PASK: variants seen among roughly 807,000 people sequenced by gnomAD.
The protein encoded by PASK is PAS domain-containing serine/threonine-protein kinase.
PASK carries 110 observed loss-of-function variants against 121.0 expected under a neutral mutation model. That is an observed-to-expected ratio of 0.91 (90% CI 0.78 to 1.06). PASK has a LOEUF of 1.06. Ranked by LOEUF, PASK falls within the 50% of genes least tolerant of loss-of-function variation. The probability of loss-of-function intolerance (pLI) is 0.00; values close to 1 mark genes in which losing one functional copy is unlikely to be tolerated. For missense variants in PASK, 1,643 were observed against 1,702.3 expected (o/e 0.97, Z 0.61); for synonymous variants, 686 against 717.8 (o/e 0.96, Z 0.71).
At chr2:241,146,945 C>A (rs958064121) in intron 1 of PASK, among the ~76,000 whole-genome samples, 10 of 152,156 alleles carry the variant, frequency 6.6e-5, no homozygotes, top group Admixed American at 5.2e-4. Context: ...ACACACAAAC[C>A]CAGCCTAGGA....
chr2:241,134,652 C>G (rs1003373887), intron 8 of PASK: 1 of 152,280 alleles, frequency 6.6e-6, no homozygotes, highest in African/African-American at 2.4e-5. Flanking sequence ...CCCGAGTGAC[C>G]GCATGCAGGA....
intron 7 of PASK, 105 bp from the exon 8 acceptor site, chr2:241,136,144 GGT>G (rs2066417501): frequency 1.9e-6 from 2 of 1,044,796 alleles, no homozygotes; most frequent in Non-Finnish European, 3.0e-6. Flanking sequence ...AGTCCCTGAG[GGT>G]TCACCCTTAA....
intron 10 of PASK, among the ~76,000 whole-genome samples, chr2:241,125,690 T>C (rs1014638840): frequency 5.3e-5 from 8 of 150,374 alleles, no homozygotes; most frequent in African/African-American, 1.7e-4. Context: ...AGGGGCCCGA[T>C]CACATGACCC....
In PASK at chr2:241,140,050, C is replaced by A. The variant is rs141463565; in HGVS notation, c.435G>T (p.Leu145=). 1 of 1,613,674 alleles carries A rather than the reference C, an allele frequency of 6.2e-7. No homozygotes were observed. Among genetic ancestry groups the A allele is most frequent in the African/African-American group, 1.3e-5 (1 of 74,942 alleles). The stretch of plus-strand genomic sequence containing the variant: ...GCCCGCAAGCTTTGTCGTTAGCAAC[C>A]AGGATCTGAGGAATCACAAAGAGGA... ...FTVDAKTTEI[L]VANDKACGLL... The change falls in exon 4 of 18, where the codon CTG becomes CTT. Residue 145 remains leucine, a synonymous_variant. Coordinates refer to ENST00000234040, the MANE Select transcript of PASK (RefSeq NM_015148.4).
At chr2:241,150,061 G>A (rs34782167), upstream of PASK, 20,205 of 1,343,898 alleles carry the variant, frequency 0.015, 1,378 homozygotes, top group East Asian at 0.23. Flanking sequence ...AGGGATGCAC[G>A]TAGGACTGGC....
At chr2:241,144,913 T>C (rs960296517) in intron 1 of PASK, among the ~76,000 whole-genome samples, 2 of 152,094 alleles carry the variant, frequency 1.3e-5, no homozygotes, top group Admixed American at 1.3e-4. Flanking sequence ...TTCTCCCTGT[T>C]TGTTTGTTTC....
At chr2:241,124,659 G>C (rs1436232694) in intron 10 of PASK, among the ~76,000 whole-genome samples, 15 of 152,224 alleles carry the variant, frequency 9.9e-5, no homozygotes, top group Admixed American at 9.8e-4. Context: ...CAGCCTCCTA[G>C]CTATACACCA....
chr2:241,118,502 C>T lies in PASK; in HGVS notation c.3073-3089G>A, dbSNP rs12616483. On this transcript the variant is annotated intron_variant, in intron 12 of 17. Transcript: ENST00000234040. ...ATATCCACATACGAAAGGGTGAAGT[C>T]CAACCCCAGTCTCACACCACACACA... Among the ~76,000 whole-genome samples the T allele has an allele frequency of 0.023, 3,484 of 152,258 alleles. 299 individuals are homozygous for T. In the East Asian group the frequency reaches 0.23, roughly 10 times the overall value.
In PASK at chr2:241,131,413, G is replaced by A. The variant is rs11683092; in HGVS notation, c.1463+1461C>T. ...TCCACCCACTTCAGCCTCCCAAAGT[G>A]CTGGGATTATAGGCGTGATCCACCG... On this transcript the variant is annotated intron_variant, in intron 9 of 17. Transcript: ENST00000234040. Among the ~76,000 whole-genome samples, 900 of 152,278 alleles carry A rather than the reference G, an allele frequency of 5.9e-3. 7 individuals carry two copies. Among genetic ancestry groups the A allele is most frequent in the Non-Finnish European group, 9.8e-3 (668 of 68,008 alleles).
intron 11 of PASK, among the ~76,000 whole-genome samples, chr2:241,123,136 C>T (rs1420146995): frequency 6.6e-6 from 1 of 152,076 alleles, no homozygotes; most frequent in Non-Finnish European, 1.5e-5. Context: ...GTTTACACCC[C>T]ACCATATACA....
chr2:241,106,396 T>C lies in PASK; in HGVS notation c.*170A>G, dbSNP rs2064881063. Reference sequence around the variant, plus strand: ...GAATTCCAAATCTATGTAATAAATCTAAAATAATACAGCATCACTGTCTTC... The same window carrying C: ...GAATTCCAAATCTATGTAATAAATCCAAAATAATACAGCATCACTGTCTTC... On this transcript the variant is annotated 3_prime_UTR_variant, in exon 18 of 18. Transcript: ENST00000234040. 6.9e-6 allele frequency: 5 copies of C among 725,258 alleles called. No homozygotes were observed. In the Admixed American group the frequency reaches 1.1e-4, roughly 16 times the overall value. The allele number at this position is 725,258 out of a possible 1,614,324, so 44.9% of individuals were successfully genotyped here.
At position 241,114,686 on chromosome 2, in the gene PASK, C is replaced by T. The variant is rs113996101; in HGVS notation, c.3333+357G>A. 4,727 of 1,229,326 alleles carry T rather than the reference C, an allele frequency of 3.8e-3. 7 individuals carry two copies. Among genetic ancestry groups the T allele is most frequent in the Admixed American group, 8.1e-3 (205 of 25,252 alleles). The allele number at this position is 1,229,326 out of a possible 1,614,324, so 76.2% of individuals were successfully genotyped here. On this transcript the variant is annotated intron_variant, in intron 14 of 17. Coordinates refer to ENST00000234040, the MANE Select transcript of PASK (RefSeq NM_015148.4). ...TAGTGGGCACTTACAACCTGCAGGC[C>T]GCTGTGCCGCACACATGCCTTTGAG...
chr2:241,106,746 G>GT (rs1207705102), intron 17 of PASK, 23 bp from the exon 18 acceptor site: 1 of 1,611,678 alleles, frequency 6.2e-7, no homozygotes, highest in Non-Finnish European at 8.5e-7. Flanking sequence ...GAAGGTAACT[G>GT]TATCACGTGC....
Position 241,140,543 on chromosome 2 carries a change from G to A in PASK, c.407C>T (p.Thr136Met), listed in dbSNP as rs146901373. The A allele has an allele frequency of 8.7e-5, 141 of 1,612,512 alleles. No individual in the cohort carries two copies. Among genetic ancestry groups the A allele is most frequent in the Middle Eastern group, 1.6e-4 (1 of 6,082 alleles). The change falls in exon 3 of 18, where the codon ACG (threonine) becomes ATG (methionine). Residue 136 changes from threonine (T) to methionine (M), a missense_variant. Thr to Met is a moderately conservative substitution (Grantham distance 81). This residue lies in a region of PASK where 1,176 missense variants were observed against 1,162.2 expected (regional missense o/e 1.01). Transcript: ENST00000234040. ...TACCTCTGTGGTCTTGGCATCCACC[G>A]TGAAGATGGCCTTGTTAGGGTTGCA... is the stretch of plus-strand genomic sequence containing the variant. ...PVCNPNKAIF[T>M]VDAKTTEILV...
At chr2:241,138,888 A>T (rs1451558471) in intron 4 of PASK, 94 bp from the exon 5 acceptor site, 2 of 1,206,572 alleles carry the variant, frequency 1.7e-6, no homozygotes, top group Non-Finnish European at 2.4e-6. Flanking sequence ...AACTCCAGGC[A>T]CTGCAACGTT....
intron 9 of PASK, among the ~76,000 whole-genome samples, chr2:241,129,286 C>A (rs897051581): frequency 5.9e-5 from 9 of 152,178 alleles, no homozygotes; most frequent in African/African-American, 2.2e-4. Context: ...GCTCTTGGGG[C>A]CTTAGCGGGC....
intron 8 of PASK, chr2:241,134,840 G>C (rs2066333085): frequency 6.6e-6 from 1 of 151,816 alleles, no homozygotes; most frequent in Non-Finnish European, 1.5e-5. Context: ...TGGACCCTTG[G>C]GCCCCAGCCT....
At chr2:241,113,812 C>T (rs1478666141) in intron 14 of PASK, 7 of 985,350 alleles carry the variant, frequency 7.1e-6, no homozygotes, top group Middle Eastern at 5.2e-4. Context: ...CCCAGCTCCC[C>T]GACCCCGCTG....
At chr2:241,150,012 C>T, upstream of PASK, 1 of 1,400,770 alleles carries the variant, frequency 7.1e-7, no homozygotes, top group Non-Finnish European at 9.3e-7. Flanking sequence ...TGCCGTTCGG[C>T]CCATTGTACA....
Sources: allele counts gnomAD v4.1 joint callset (sites outside exome capture counted in the v4.1 genomes callset), GRCh38; gene constraint gnomAD v4.1.1; regional missense constraint gnomAD v4.1.1; transcripts MANE v1.5; gene names NCBI Gene and HGNC (gene_info 2026-07-23, HGNC 2026-07-21).